Variants in CRX observed in about 807,000 individuals in gnomAD.
CRX encodes cone-rod homeobox.
In CRX, 5 loss-of-function variants were observed where a neutral mutation model predicts 13.1. That is an observed-to-expected ratio of 0.38 (90% confidence interval 0.20 to 0.80). The LOEUF is 0.80. CRX is among the 30% of genes least tolerant of loss of function. The pLI is 0.43. For missense variants in CRX, 351 were observed against 391.8 expected, an observed-to-expected ratio of 0.90 and a Z score of 0.88; for synonymous variants, 179 against 171.1, an observed-to-expected ratio of 1.05 and a Z score of -0.36.
In CRX at chr19:47,841,552, C is replaced by T. The variant is rs1441075142; in HGVS notation, c.*1585C>T. On this transcript the variant is annotated 3_prime_UTR_variant, in exon 4 of 4. Transcript: ENST00000221996. Reference sequence around the variant, plus strand: ...GGAGGAGGCAGCCCTACATTTCAAACATACATTCCCTTTTTTAGATTTTTT... The same window carrying T: ...GGAGGAGGCAGCCCTACATTTCAAATATACATTCCCTTTTTTAGATTTTTT... 1 of 149,900 alleles carries T rather than the reference C, an allele frequency of 6.7e-6. No homozygotes were observed. The highest frequency in any genetic ancestry group is 2.5e-5 in the African/African-American group (1 of 40,696). The allele number at this position is 149,900 out of a possible 1,614,324, so 9.3% of individuals were successfully genotyped here.
At chr19:47,827,495 A>T (rs1599971016) in intron 1 of CRX, among the ~76,000 whole-genome samples, 1 of 133,186 alleles carries the variant, frequency 7.5e-6, no homozygotes, top group Non-Finnish European at 1.6e-5. Flanking sequence ...TCTCATAACA[A>T]CCTGTTTTAT....
chr19:47,826,938 C>T (rs969829689), intron 1 of CRX, among the ~76,000 whole-genome samples: 1 of 152,108 alleles, frequency 6.6e-6, no homozygotes, highest in African/African-American at 2.4e-5. Context: ...AGCTTACTCT[C>T]ATAGCTGTTG....
intron 1 of CRX, among the ~76,000 whole-genome samples, chr19:47,824,839 C>T (rs1967955835): frequency 6.6e-6 from 1 of 152,042 alleles, no homozygotes; most frequent in Non-Finnish European, 1.5e-5. Flanking sequence ...TGTTCCACCC[C>T]TTGAAATCAT....
chr19:47,826,337 C>T (rs915737063), intron 1 of CRX, among the ~76,000 whole-genome samples: 2 of 152,112 alleles, frequency 1.3e-5, no homozygotes, highest in Admixed American at 6.6e-5. Context: ...AAAGCAGTGT[C>T]TCATGCCTGT....
intron 1 of CRX, among the ~76,000 whole-genome samples, chr19:47,833,369 C>G (rs1968078427): frequency 6.6e-6 from 1 of 151,888 alleles, no homozygotes; most frequent in African/African-American, 2.4e-5. Context: ...GCAACCTCTG[C>G]CTCCCGGGTT....
At chr19:47,826,043 ATGAAAG>A (rs1396288471) in intron 1 of CRX, among the ~76,000 whole-genome samples, 1 of 152,228 alleles carries the variant, frequency 6.6e-6, no homozygotes, top group Non-Finnish European at 1.5e-5. Flanking sequence ...GGCGAAGACA[ATGAAAG>A]TGTGTGCTTT....
chr19:47,822,904 C>T (rs1007772868), intron 1 of CRX, among the ~76,000 whole-genome samples: 3 of 152,166 alleles, frequency 2.0e-5, no homozygotes, highest in African/African-American at 7.2e-5. Flanking sequence ...AGGAGTCCAT[C>T]CACCTCAGCC....
At position 47,839,226 on chromosome 19, in the gene CRX, T is replaced by A; in HGVS notation, c.253-94T>A. 1 of 1,363,238 alleles carries A rather than the reference T, an allele frequency of 7.3e-7. No individual in the cohort carries two copies. The highest frequency in any genetic ancestry group is 2.3e-5 in the East Asian group (1 of 43,312). 84.4% of individuals were successfully genotyped at this position (1,363,238 alleles called of 1,614,324 possible). A position where few individuals can be genotyped will look rare whatever the true frequency, so the allele number is the denominator to read the frequency against. On this transcript the variant is annotated intron_variant, in intron 3 of 3. Transcript: ENST00000221996. The surrounding 1 kb of genome is among the most constrained non-coding windows in gnomAD (Gnocchi z 4.6). ...AGTAGACAGATGTGAACCCAGCACC[T>A]CTCACCAATAAGTGTCCTCATCCCC... is the stretch of plus-strand genomic sequence containing the variant.
intron 2 of CRX, 134 bp from the exon 3 acceptor site, chr19:47,836,109 C>A (rs1968114199): frequency 9.0e-7 from 1 of 1,112,574 alleles, no homozygotes; most frequent in Non-Finnish European, 1.3e-6. Flanking sequence ...TGTAGAAGGG[C>A]AGGGAATGTG....
At chr19:47,826,349 A>G (rs948555087) in intron 1 of CRX, among the ~76,000 whole-genome samples, 2 of 152,140 alleles carry the variant, frequency 1.3e-5, no homozygotes, top group African/African-American at 4.8e-5. Flanking sequence ...CATGCCTGTA[A>G]TCTCAGCAAT....
chr19:47,832,819 A>G (rs905634339), intron 1 of CRX, among the ~76,000 whole-genome samples: 1 of 151,850 alleles, frequency 6.6e-6, no homozygotes, highest in African/African-American at 2.4e-5. Context: ...TTTTCCAACA[A>G]GGCGACTGAG....
rs141920245 is a variant in CRX, at chr19:47,828,810, G to C, written c.-35-5599G>C. 1.2e-3 allele frequency among the ~76,000 whole-genome samples: 182 copies of C among 151,762 alleles called. 1 individual carries two copies. The East Asian group carries it at 0.021, about 18-fold the overall frequency. ...AGAGGTTTTCTGAGTCCATCCTAAT[G>C]AGGGCAATGAGGAACCCTCAGAGGG... On this transcript the variant is annotated intron_variant, in intron 1 of 3. Coordinates refer to ENST00000221996, the MANE Select transcript of CRX (RefSeq NM_000554.6).
chr19:47,833,761 G>A (rs1968083107), intron 1 of CRX, among the ~76,000 whole-genome samples: 1 of 98,058 alleles, frequency 1.0e-5, no homozygotes, highest in South Asian at 3.5e-4. Flanking sequence ...GAGGCTGAGC[G>A]TGTTTGCCCA....
At chr19:47,832,717 C>T (rs1360099780) in intron 1 of CRX, among the ~76,000 whole-genome samples, 1 of 152,082 alleles carries the variant, frequency 6.6e-6, no homozygotes, top group African/African-American at 2.4e-5. Flanking sequence ...AACTCCTGAC[C>T]TCAAGTGATC....
intron 1 of CRX, among the ~76,000 whole-genome samples, chr19:47,823,488 T>G (rs1967936574): frequency 6.6e-6 from 1 of 152,088 alleles, no homozygotes; most frequent in Non-Finnish European, 1.5e-5. Flanking sequence ...CCAGGTCTCA[T>G]GGCCGGCAGT....
intron 1 of CRX, among the ~76,000 whole-genome samples, chr19:47,833,747 A>G (rs1425324610): frequency 6.8e-6 from 1 of 147,046 alleles, no homozygotes; most frequent in African/African-American, 2.6e-5. Context: ...CCTGGGTTAT[A>G]AGTGAGGCTG....
rs750463416 is a variant in CRX at position 47,839,373 on chromosome 19, ACAG to A, written c.317_319del (p.Gln106del). On this transcript the variant is annotated inframe_deletion, in exon 4 of 4. Coordinates refer to ENST00000221996, the MANE Select transcript of CRX (RefSeq NM_000554.6). This position sits in a 1 kb window ranked among gnomAD's most constrained non-coding sequence, Gnocchi z 4.6. The stretch of plus-strand genomic sequence containing the variant: ...GCAGGCAGCAGCGACAGCAGCAGAA[ACAG>A]CAGCAGCAGCCCCCAGGGGGCCAGG... 3.7e-6 allele frequency: 6 copies of A among 1,613,468 alleles called. No homozygotes were observed. The highest frequency in any genetic ancestry group is 2.7e-5 in the African/African-American group (2 of 74,890).
chr19:47,836,914 G>C (rs1968124502), intron 3 of CRX, among the ~76,000 whole-genome samples: 1 of 152,076 alleles, frequency 6.6e-6, no homozygotes, highest in African/African-American at 2.4e-5. Context: ...ATGGGTGGGT[G>C]GATGCATAGA....
chr19:47,837,152 C>A (rs1027394960), intron 3 of CRX, among the ~76,000 whole-genome samples: 2 of 152,052 alleles, frequency 1.3e-5, no homozygotes, highest in African/African-American at 4.8e-5. Flanking sequence ...TACATGCTTG[C>A]ATGATTGGAT....
Sources: gnomAD v4.1 joint callset for allele counts (sites outside exome capture counted in the v4.1 genomes callset) on GRCh38, gnomAD v4.1.1 for gene constraint, Gnocchi (gnomAD v3.1) non-coding constraint, MANE v1.5 for transcripts, NCBI Gene and HGNC (gene_info 2026-07-23, HGNC 2026-07-21) for gene names.